Variants in LGR5 observed in about 807,000 individuals in gnomAD.
LGR5 encodes leucine rich repeat containing G protein-coupled receptor 5.
In LGR5, 54 loss-of-function variants were observed where a neutral mutation model predicts 76.7. That is an observed-to-expected ratio of 0.70 (90% confidence interval 0.57 to 0.88). The LOEUF is 0.88. Ranked by LOEUF, LGR5 falls within the 40% of genes least tolerant of loss-of-function variation. The pLI is 0.00. For synonymous variants in LGR5, 406 were observed against 421.9 expected (o/e 0.96, Z 0.46); for missense variants, 1,078 against 1,073.3 (o/e 1.00, Z -0.06).
At chr12:71,538,850 C>A (rs936796646) in intron 4 of LGR5, among the ~76,000 whole-genome samples, 27 of 151,926 alleles carry the variant, frequency 1.8e-4, no homozygotes, top group Admixed American at 1.2e-3. Flanking sequence ...AGAGCAAGAC[C>A]GTGTCTCTGA....
chr12:71,529,090 G>T (rs1011967101), intron 3 of LGR5, among the ~76,000 whole-genome samples: 1 of 152,080 alleles, frequency 6.6e-6, no homozygotes, highest in Non-Finnish European at 1.5e-5. Context: ...CCACTATGAC[G>T]TTTGTAATTT....
rs1396663871 is a variant in LGR5, at chr12:71,439,939, G to A, written c.-142G>A. The A allele has an allele frequency of 1.4e-6, 1 of 711,764 alleles. No homozygotes were observed. Among genetic ancestry groups the A allele is most frequent in the South Asian group, 1.9e-5 (1 of 52,640 alleles). 44.1% of individuals were successfully genotyped at this position (711,764 alleles called of 1,614,324 possible). ...CTTCTCCTCGCCGCCCACGCCGTGG[G>A]GTCAGGAACGCGGCGTCTGGCGCTG... On this transcript the variant is annotated 5_prime_UTR_variant, in exon 1 of 18. Transcript: ENST00000266674.
intron 1 of LGR5, chr12:71,441,961 C>T (rs1312786542): frequency 6.6e-6 from 1 of 152,198 alleles, no homozygotes; most frequent in Non-Finnish European, 1.5e-5. Flanking sequence ...GGATCCCGCG[C>T]TCTCCAATGC....
At chr12:71,575,500 G>A (rs1222924285) in intron 13 of LGR5, among the ~76,000 whole-genome samples, 6 of 152,140 alleles carry the variant, frequency 3.9e-5, no homozygotes, top group Non-Finnish European at 7.3e-5. Context: ...CTTGAGGTCA[G>A]GAGTTCGAGA....
chr12:71,461,023 C>T (rs1872665434), intron 1 of LGR5, among the ~76,000 whole-genome samples: 1 of 152,128 alleles, frequency 6.6e-6, no homozygotes, highest in Non-Finnish European at 1.5e-5. Flanking sequence ...GGAATTGTTC[C>T]TTATCCACTC....
At chr12:71,579,721 A>G (rs1879010908) in intron 15 of LGR5, among the ~76,000 whole-genome samples, 1 of 152,180 alleles carries the variant, frequency 6.6e-6, no homozygotes, top group African/African-American at 2.4e-5. Context: ...GTGCTATTGA[A>G]TAGTCGGTGT....
intron 1 of LGR5, among the ~76,000 whole-genome samples, chr12:71,444,341 C>T (rs1450695214): frequency 1.3e-5 from 2 of 151,944 alleles, no homozygotes; most frequent in South Asian, 2.1e-4. Flanking sequence ...TTCTTTTTCT[C>T]CAGGATTCCT....
intron 1 of LGR5, among the ~76,000 whole-genome samples, chr12:71,453,156 G>T (rs1378441626): frequency 6.6e-6 from 1 of 152,200 alleles, no homozygotes; most frequent in African/African-American, 2.4e-5. Flanking sequence ...GGAGAAAGAA[G>T]GGGCATCTTC....
chr12:71,573,328 G>C (rs952539317), intron 13 of LGR5, among the ~76,000 whole-genome samples: 4 of 151,968 alleles, frequency 2.6e-5, no homozygotes, highest in African/African-American at 9.7e-5. Context: ...ATCACCTCGA[G>C]GAAACTAAAA....
intron 1 of LGR5, chr12:71,441,425 C>G (rs1291080753): frequency 6.6e-6 from 1 of 152,282 alleles, no homozygotes; most frequent in African/African-American, 2.4e-5. Flanking sequence ...AGCGAGCCCA[C>G]CCCAAGCCCA....
At chr12:71,462,048 C>T (rs1337440829) in intron 1 of LGR5, among the ~76,000 whole-genome samples, 1 of 152,166 alleles carries the variant, frequency 6.6e-6, no homozygotes, top group East Asian at 1.9e-4. Context: ...TGCTCAGCCT[C>T]CTAATGGGTC....
intron 1 of LGR5, among the ~76,000 whole-genome samples, chr12:71,471,064 T>C (rs1873083287): frequency 6.6e-6 from 1 of 152,244 alleles, no homozygotes; most frequent in South Asian, 2.1e-4. Context: ...ACCTATCTGG[T>C]GTACAGTATT....
At chr12:71,581,476 T>C (rs1879090186) in intron 16 of LGR5, among the ~76,000 whole-genome samples, 1 of 152,246 alleles carries the variant, frequency 6.6e-6, no homozygotes, top group African/African-American at 2.4e-5. Flanking sequence ...GCTTTGGGCC[T>C]TAATGATTTG....
At chr12:71,486,007 G>A (rs1020926845) in intron 1 of LGR5, among the ~76,000 whole-genome samples, 15 of 152,030 alleles carry the variant, frequency 9.9e-5, no homozygotes, top group African/African-American at 2.7e-4. Context: ...CTTGTGATCC[G>A]TCCACTTTGG....
chr12:71,567,177 T>C, intron 11 of LGR5: 1 of 444,352 alleles, frequency 2.3e-6, no homozygotes, highest in East Asian at 4.2e-5. Context: ...TCAGAAAAGA[T>C]ATGAAGAGGC....
intron 6 of LGR5, among the ~76,000 whole-genome samples, chr12:71,559,231 G>A (rs1257442509): frequency 6.6e-6 from 1 of 152,164 alleles, no homozygotes; most frequent in Non-Finnish European, 1.5e-5. Context: ...GCCAATTAGT[G>A]AGCCCGGTTC....
At chr12:71,512,438 C>T (rs551409366) in intron 2 of LGR5, among the ~76,000 whole-genome samples, 1 of 152,346 alleles carries the variant, frequency 6.6e-6, no homozygotes, top group East Asian at 1.9e-4. Context: ...CAAAGTATCC[C>T]ATCCTTGAAT....
intron 1 of LGR5, among the ~76,000 whole-genome samples, chr12:71,466,075 C>G (rs1213814125): frequency 6.6e-6 from 1 of 152,198 alleles, no homozygotes; most frequent in Admixed American, 6.5e-5. Context: ...GGCTGGTGTA[C>G]TTCAGTGATT....
At chr12:71,449,865 T>A (rs1872176887) in intron 1 of LGR5, among the ~76,000 whole-genome samples, 1 of 152,184 alleles carries the variant, frequency 6.6e-6, no homozygotes, top group Non-Finnish European at 1.5e-5. Flanking sequence ...ATGACTAAGC[T>A]GTATATCTAA....
Sources: gnomAD v4.1 joint callset for allele counts (sites outside exome capture counted in the v4.1 genomes callset) on GRCh38, gnomAD v4.1.1 for gene constraint, MANE v1.5 for transcripts, NCBI Gene and HGNC (gene_info 2026-07-23, HGNC 2026-07-21) for gene names.